Variants in LARGE1 observed in about 807,000 individuals in gnomAD.
The protein encoded by LARGE1 is xylosyl- and glucuronyltransferase LARGE1.
In LARGE1, 43 loss-of-function variants were observed where a neutral mutation model predicts 87.6. The observed-to-expected ratio is 0.49, with a 90% CI of 0.38 to 0.63. The LOEUF (loss-of-function observed/expected upper bound fraction) is 0.63, where lower values mean the gene tolerates loss of function less well. Ranked by LOEUF, LARGE1 falls within the 30% of genes least tolerant of loss-of-function variation. The pLI is 0.00. For synonymous variants in LARGE1, 434 were observed against 394.6 expected, an observed-to-expected ratio of 1.10 and a Z score of -1.18; for missense variants, 802 against 1,000.2, an observed-to-expected ratio of 0.80 and a Z score of 2.67.
At chr22:33,479,455 G>A (rs963463406) in intron 6 of LARGE1, among the ~76,000 whole-genome samples, 1 of 152,180 alleles carries the variant, frequency 6.6e-6, no homozygotes, top group African/African-American at 2.4e-5. Context: ...TCCATGGGAA[G>A]ATAAACTCCA....
intron 2 of LARGE1, among the ~76,000 whole-genome samples, chr22:33,747,366 T>C (rs965621475): frequency 6.6e-5 from 10 of 152,016 alleles, no homozygotes; most frequent in African/African-American, 2.2e-4. Flanking sequence ...TCTCTTCTCT[T>C]TCTCTCCAGC....
chr22:33,441,530 C>T (rs532107336), intron 6 of LARGE1, among the ~76,000 whole-genome samples: 10 of 152,252 alleles, frequency 6.6e-5, no homozygotes, highest in African/African-American at 1.9e-4. Flanking sequence ...CATGGCTCAG[C>T]GCAGCCTTGA....
chr22:33,576,709 C>G (rs1248699348), intron 5 of LARGE1, among the ~76,000 whole-genome samples: 3 of 152,190 alleles, frequency 2.0e-5, no homozygotes, highest in African/African-American at 7.2e-5. Flanking sequence ...TCAAGGATAC[C>G]AAAATCCTCA....
intron 11 of LARGE1, among the ~76,000 whole-genome samples, chr22:33,233,522 G>C (rs1156779230): frequency 6.6e-6 from 1 of 151,982 alleles, no homozygotes; most frequent in South Asian, 2.1e-4. Flanking sequence ...GGATCGAAAA[G>C]TCTAGGCTGT....
chr22:33,860,239 G>A (rs1007569537), intron 1 of LARGE1, among the ~76,000 whole-genome samples: 5 of 151,982 alleles, frequency 3.3e-5, no homozygotes, highest in African/African-American at 9.7e-5. Context: ...TGATCCTACC[G>A]CTTCAGCTTC....
intron 2 of LARGE1, among the ~76,000 whole-genome samples, chr22:33,659,110 T>A: frequency 6.6e-6 from 1 of 152,206 alleles, no homozygotes; most frequent in South Asian, 2.1e-4. Flanking sequence ...CAAAAGCAGT[T>A]CCCTTCTAGC....
chr22:33,300,667 T>G (rs12159874), intron 12 of LARGE1, among the ~76,000 whole-genome samples: 25,610 of 151,986 alleles, frequency 0.17, 4,557 homozygotes, highest in African/African-American at 0.46. Context: ...TCAGCCTCCC[T>G]AGTAGCTGGG....
downstream of LARGE1, among the ~76,000 whole-genome samples, chr22:33,270,695 C>T (rs1356961521): frequency 2.0e-5 from 3 of 152,122 alleles, no homozygotes; most frequent in Non-Finnish European, 4.4e-5. Context: ...GGATTTGAAT[C>T]ACATTTCTTT....
At chr22:33,891,906 A>C (rs1288397565) in intron 1 of LARGE1, among the ~76,000 whole-genome samples, 1 of 152,218 alleles carries the variant, frequency 6.6e-6, no homozygotes, top group Admixed American at 6.5e-5. Context: ...TCAAAATCCT[A>C]GTCTGATAGG....
At chr22:33,687,502 C>T (rs2081979668) in intron 2 of LARGE1, among the ~76,000 whole-genome samples, 2 of 151,940 alleles carry the variant, frequency 1.3e-5, no homozygotes, top group African/African-American at 4.8e-5. Flanking sequence ...TGGACATTAA[C>T]ATATCCCCAG....
At position 33,324,317 on chromosome 22, in the gene LARGE1, C is replaced by G. The variant is rs1311397452; in HGVS notation, c.1288-8069G>C. On this transcript the variant is annotated intron_variant, in intron 10 of 14. Coordinates refer to ENST00000397394, the MANE Select transcript of LARGE1 (RefSeq NM_133642.5). ...ACAACCCCCCCCCCAAAACAAACAA[C>G]AAAAAAGCCAAAAACAAAACCTGCC... Among the ~76,000 whole-genome samples, 7 of 84,286 alleles carry G rather than the reference C, an allele frequency of 8.3e-5. No homozygotes were observed. The South Asian group carries it at 2.7e-3, about 33-fold the overall frequency. The allele number at this position is 84,286 out of a possible 152,430, so 55.3% of individuals were successfully genotyped here. A position where few individuals can be genotyped will look rare whatever the true frequency, so the allele number is the denominator to read the frequency against.
chr22:33,595,888 C>G (rs2078963947), intron 5 of LARGE1, among the ~76,000 whole-genome samples: 1 of 152,156 alleles, frequency 6.6e-6, no homozygotes, highest in African/African-American at 2.4e-5. Context: ...ACCTGATCTT[C>G]ATTAATGCTC....
intron 2 of LARGE1, among the ~76,000 whole-genome samples, chr22:33,710,150 T>C (rs568884700): frequency 2.7e-5 from 4 of 150,848 alleles, no homozygotes; most frequent in African/African-American, 9.8e-5. Context: ...CAGAAGACAA[T>C]AGCTCATGAC....
intron 5 of LARGE1, among the ~76,000 whole-genome samples, chr22:33,596,322 G>A (rs2078975191): frequency 6.6e-6 from 1 of 152,134 alleles, no homozygotes; most frequent in South Asian, 2.1e-4. Flanking sequence ...AATACACAAA[G>A]GTATGCTTTC....
intron 2 of LARGE1, among the ~76,000 whole-genome samples, chr22:33,751,022 A>T (rs2084295816): frequency 6.6e-6 from 1 of 152,238 alleles, no homozygotes; most frequent in Non-Finnish European, 1.5e-5. Flanking sequence ...TCATCTAAAA[A>T]CAATGCAAAA....
chr22:33,609,112 T>C (rs1010767673), intron 4 of LARGE1, among the ~76,000 whole-genome samples: 2 of 152,220 alleles, frequency 1.3e-5, no homozygotes, highest in Non-Finnish European at 1.5e-5. Flanking sequence ...AACAAAGAGC[T>C]ATTAAGCAAT....
At position 33,399,097 on chromosome 22, in the gene LARGE1, C is replaced by G. The variant is rs112062384; in HGVS notation, c.893-14793G>C. Among the ~76,000 whole-genome samples the G allele has an allele frequency of 6.1e-3, 928 of 152,304 alleles. 15 individuals are homozygous for G. The highest frequency in any genetic ancestry group is 0.021 in the African/African-American group (885 of 41,572). ...CCCATCATCTAGGTTTTAAGCCCTTCAAGCATTAGGTATTTGTCCTAATTC... is the reference window on the plus strand; with the variant it reads ...CCCATCATCTAGGTTTTAAGCCCTTGAAGCATTAGGTATTTGTCCTAATTC... On this transcript the variant is annotated intron_variant, in intron 7 of 14. Transcript: ENST00000397394.
intron 1 of LARGE1, among the ~76,000 whole-genome samples, chr22:33,827,295 G>A (rs975229900): frequency 5.3e-5 from 8 of 151,864 alleles, no homozygotes; most frequent in Non-Finnish European, 1.0e-4. Flanking sequence ...GCGTGAACCC[G>A]GGAGGCGGAG....
chr22:33,655,074 G>C (rs2080923710), intron 2 of LARGE1, among the ~76,000 whole-genome samples: 1 of 152,168 alleles, frequency 6.6e-6, no homozygotes, highest in African/African-American at 2.4e-5. Context: ...TCTTGTTGCA[G>C]AGCAGCAACA....
Sources: allele counts gnomAD v4.1 joint callset (sites outside exome capture counted in the v4.1 genomes callset), GRCh38; gene constraint gnomAD v4.1.1; transcripts MANE v1.5; gene names NCBI Gene and HGNC (gene_info 2026-07-23, HGNC 2026-07-21).